KCNQ2: variants seen among roughly 807,000 people sequenced by gnomAD.
The protein encoded by KCNQ2 is potassium voltage-gated channel subfamily KQT member 2.
A neutral mutation model predicts 84.8 loss-of-function variants in KCNQ2; 14 were observed. The ratio of observed to expected loss-of-function variants is 0.17; its 90% confidence interval spans 0.11 to 0.26. The LOEUF (loss-of-function observed/expected upper bound fraction) is 0.26. KCNQ2 is among the 10% of genes least tolerant of loss of function. The pLI, the probability that KCNQ2 is intolerant of heterozygous loss-of-function variation, is 1.00. For synonymous variants in KCNQ2, 599 were observed against 554.1 expected (o/e 1.08, Z -1.14); for missense variants, 788 against 1,254.0 (o/e 0.63, Z 5.61).
At chr20:63,422,849 G>C (rs4083743) in intron 11 of KCNQ2, 8,206 of 152,340 alleles carry the variant, frequency 0.054, 945 homozygotes, top group East Asian at 0.53. Flanking sequence ...GGCGGGTTCC[G>C]GCGTCGCTCC....
chr20:63,433,812 T>C lies in KCNQ2; in HGVS notation c.1115A>G (p.Tyr372Cys), dbSNP rs1291105191. 1 of 1,613,948 alleles carries C rather than the reference T, an allele frequency of 6.2e-7. No homozygotes were observed. Among genetic ancestry groups the C allele is most frequent in the Admixed American group, 1.7e-5 (1 of 60,028 alleles). Reference protein sequence around the residue: ...YYERTVTVPMYSSQTQTYGAS... With the variant: ...YYERTVTVPMCSSQTQTYGAS... ...GGCAGGTGCCCGGCGGCGGTACCTGTACATGGGCACGGTGACCGTTCGCTC... is the reference window on the plus strand; with the variant it reads ...GGCAGGTGCCCGGCGGCGGTACCTGCACATGGGCACGGTGACCGTTCGCTC... Residue 372 changes from tyrosine (Y) to cysteine (C), a missense_variant, in exon 8 of 17, where the codon TAC becomes TGC. Physicochemically the swap from Tyr to Cys is radical, Grantham distance 194 (BLOSUM62 -2). Coordinates refer to ENST00000359125, the MANE Select transcript of KCNQ2 (RefSeq NM_172107.4).
At chr20:63,440,109 C>T (rs1446644018) in intron 5 of KCNQ2, among the ~76,000 whole-genome samples, 1 of 152,190 alleles carries the variant, frequency 6.6e-6, no homozygotes, top group African/African-American at 2.4e-5. Context: ...GCTCGCTGAG[C>T]CTGAGCTGAG....
intron 4 of KCNQ2, 104 bp from the exon 5 acceptor site, chr20:63,442,635 C>A: frequency 2.4e-6 from 3 of 1,236,298 alleles, no homozygotes; most frequent in South Asian, 2.4e-5. Context: ...ACCACCATCA[C>A]CACCACCAAA....
intron 12 of KCNQ2, among the ~76,000 whole-genome samples, chr20:63,419,373 C>G (rs1007123263): frequency 2.0e-5 from 3 of 152,236 alleles, no homozygotes; most frequent in Admixed American, 6.5e-5. Context: ...CCCTGGCTGG[C>G]CCCTCTGGCT....
rs2037438621 is a variant in KCNQ2, at chr20:63,402,262, C to T, written c.*4382G>A. 1.1e-5 allele frequency: 2 copies of T among 185,528 alleles called. No homozygotes were observed. Among genetic ancestry groups the T allele is most frequent in the South Asian group, 1.6e-4 (2 of 12,264 alleles). The allele number at this position is 185,528 out of a possible 1,614,324, so 11.5% of individuals were successfully genotyped here. A position where few individuals can be genotyped will look rare whatever the true frequency, so the allele number is the denominator to read the frequency against. ...TGCCGGGCACCCTCCACGGCAGGTC[C>T]GAGCTTTGTGAACCGTCCCTCTCAC... On this transcript the variant is annotated 3_prime_UTR_variant, in exon 17 of 17. Transcript: ENST00000359125.
Position 63,467,987 on chromosome 20 carries a change from T to G in KCNQ2, c.296+4181A>C, listed in dbSNP as rs554009391. Among the ~76,000 whole-genome samples the G allele has an allele frequency of 3.3e-5, 5 of 152,318 alleles. No individual in the cohort carries two copies. The South Asian group carries it at 1.0e-3, about 32-fold the overall frequency. On this transcript the variant is annotated intron_variant, in intron 1 of 16. Coordinates refer to ENST00000359125, the MANE Select transcript of KCNQ2 (RefSeq NM_172107.4). ...GGAGAGTTTCTGCTTATCCTTTAGCTCCTATCCTCTCACAGACACAGAATG... is the reference window on the plus strand; with the variant it reads ...GGAGAGTTTCTGCTTATCCTTTAGCGCCTATCCTCTCACAGACACAGAATG...
At chr20:63,433,982 C>T (rs2080911617) in intron 7 of KCNQ2, 79 bp from the exon 8 acceptor site, 4 of 1,305,266 alleles carry the variant, frequency 3.1e-6, no homozygotes, top group East Asian at 2.3e-5. Context: ...GTGGAGGGAA[C>T]GGGGCAGAGG....
intron 7 of KCNQ2, among the ~76,000 whole-genome samples, chr20:63,437,192 G>A (rs552239725): frequency 6.6e-5 from 10 of 152,276 alleles, no homozygotes; most frequent in South Asian, 2.1e-4. Flanking sequence ...TCTGAGGTGC[G>A]CCTGTGGAGA....
chr20:63,438,517 GGCCCA>G lies in KCNQ2; in HGVS notation c.1023+103_1023+107del, dbSNP rs1470539610. 1.5e-5 allele frequency: 13 copies of G among 889,904 alleles called. No individual in the cohort carries two copies. In the African/African-American group the frequency reaches 2.1e-4, roughly 15 times the overall value. The allele number at this position is 889,904 out of a possible 1,614,324, so 55.1% of individuals were successfully genotyped here. Reference sequence around the variant, plus strand: ...GATTCCTGCAGAGGGTGAGCGCTGTGGCCCATCCACAGACAGGGCAATGCCAAAGC... The same window carrying G: ...GATTCCTGCAGAGGGTGAGCGCTGTGTCCACAGACAGGGCAATGCCAAAGC... On this transcript the variant is annotated intron_variant, in intron 7 of 16. Coordinates refer to ENST00000359125, the MANE Select transcript of KCNQ2 (RefSeq NM_172107.4). The surrounding 1 kb of genome is among the most constrained non-coding windows in gnomAD (Gnocchi z 5.1).
Position 63,425,841 on chromosome 20 carries a change from G to T in KCNQ2, c.1218-1635C>A, listed in dbSNP as rs144768077. Among the ~76,000 whole-genome samples the T allele has an allele frequency of 4.5e-3, 692 of 152,366 alleles. 7 individuals are homozygous for T. The highest frequency in any genetic ancestry group is 0.014 in the African/African-American group (589 of 41,584). On this transcript the variant is annotated intron_variant, in intron 10 of 16. Coordinates refer to ENST00000359125, the MANE Select transcript of KCNQ2 (RefSeq NM_172107.4). The surrounding 1 kb of genome is among the most constrained non-coding windows in gnomAD (Gnocchi z 5.5). The stretch of plus-strand genomic sequence containing the variant: ...GGGTGTGCGCCAACCTGGGGCTAAA[G>T]TCCTCCATGCATGGGCTTGTGAACT...
intron 4 of KCNQ2, chr20:63,443,511 T>TCATCAC (rs2081323450): frequency 5.8e-5 from 2 of 34,430 alleles, no homozygotes; most frequent in Admixed American, 6.1e-4. Flanking sequence ...ACCACCACGA[T>TCATCAC]CACCACCATC....
At chr20:63,434,297 T>G in intron 7 of KCNQ2, 1 of 222,622 alleles carries the variant, frequency 4.5e-6, no homozygotes, top group Admixed American at 5.6e-5. Context: ...GCGCTGGGAG[T>G]ATGGGTAGGG....
At chr20:63,441,352 T>C (rs944214588) in intron 5 of KCNQ2, among the ~76,000 whole-genome samples, 5 of 151,598 alleles carry the variant, frequency 3.3e-5, no homozygotes, top group African/African-American at 1.2e-4. Flanking sequence ...ACTAATCAGG[T>C]AAACCCCAAA....
chr20:63,450,335 G>A (rs2081573406), intron 1 of KCNQ2, among the ~76,000 whole-genome samples: 2 of 150,746 alleles, frequency 1.3e-5, no homozygotes, highest in South Asian at 2.1e-4. Flanking sequence ...CACACATGAG[G>A]TCAGGGCTGG....
chr20:63,462,310 G>T (rs1359441685), intron 1 of KCNQ2, among the ~76,000 whole-genome samples: 412 of 98,952 alleles, frequency 4.2e-3, no homozygotes, highest in East Asian at 0.016. Flanking sequence ...GGGAGGAGGT[G>T]GCACCTACCC....
Position 63,414,043 on chromosome 20 carries a change from G to A in KCNQ2, c.1631+45C>T. 1 of 1,428,372 alleles carries A rather than the reference G, an allele frequency of 7.0e-7. No individual in the cohort carries two copies. Among genetic ancestry groups the A allele is most frequent in the Non-Finnish European group, 9.9e-7 (1 of 1,011,806 alleles). The allele number at this position is 1,428,372 out of a possible 1,614,324, so 88.5% of individuals were successfully genotyped here. On this transcript the variant is annotated intron_variant, in intron 14 of 16. Transcript: ENST00000359125. This position sits in a 1 kb window ranked among gnomAD's most constrained non-coding sequence, Gnocchi z 6.6. ...AGCAGGCAGGACCACCGAGCGGGAG[G>A]CCCCTCCTCACTCCCCCAGGCTCCC... is the stretch of plus-strand genomic sequence containing the variant.
intron 9 of KCNQ2, among the ~76,000 whole-genome samples, chr20:63,428,872 C>T (rs1198639254): frequency 6.6e-6 from 1 of 152,196 alleles, no homozygotes; most frequent in East Asian, 1.9e-4. Context: ...TCTGCCAAAG[C>T]TGGAGGAGTT....
chr20:63,448,593 T>G (rs2081507024), intron 1 of KCNQ2: 1 of 152,130 alleles, frequency 6.6e-6, no homozygotes, highest in African/African-American at 2.4e-5. Context: ...GGAGGGAGAT[T>G]CCCCACACTC....
intron 1 of KCNQ2, among the ~76,000 whole-genome samples, chr20:63,457,911 G>A (rs750112300): frequency 8.5e-5 from 13 of 152,116 alleles, no homozygotes; most frequent in Admixed American, 2.6e-4. Flanking sequence ...GCACTGCCTC[G>A]TGACTTCGCA....
Sources: gnomAD v4.1 joint callset for allele counts (sites outside exome capture counted in the v4.1 genomes callset) on GRCh38, gnomAD v4.1.1 for gene constraint, Gnocchi (gnomAD v3.1) non-coding constraint, MANE v1.5 for transcripts, NCBI Gene and HGNC (gene_info 2026-07-23, HGNC 2026-07-21) for gene names.